Variants in SFRP4 observed in about 807,000 individuals in gnomAD.
The protein encoded by SFRP4 is secreted frizzled-related protein 4.
A neutral mutation model predicts 36.3 loss-of-function variants in SFRP4; 25 were observed. That is an observed-to-expected ratio of 0.69 (90% CI 0.50 to 0.96). The LOEUF (loss-of-function observed/expected upper bound fraction) is 0.96, where lower values mean the gene tolerates loss of function less well. Ranked by LOEUF, SFRP4 falls within the 40% of genes least tolerant of loss-of-function variation. The pLI is 0.00. For missense variants in SFRP4, 487 were observed against 459.6 expected (o/e 1.06, Z -0.54); for synonymous variants, 182 against 168.8 (o/e 1.08, Z -0.60).
chr7:37,915,663 GA>G (rs3837060), intron 1 of SFRP4, among the ~76,000 whole-genome samples: 31,480 of 150,508 alleles, frequency 0.21, 3,559 homozygotes, highest in South Asian at 0.4. Context: ...TGCTTTTTCA[GA>G]AAAAAAAAAA....
intron 5 of SFRP4, among the ~76,000 whole-genome samples, chr7:37,908,005 T>C (rs1785424532): frequency 6.6e-6 from 1 of 152,186 alleles, no homozygotes; most frequent in Non-Finnish European, 1.5e-5. Context: ...CTCCAGAGCC[T>C]GAGGCCCTCA....
rs762319538 is a variant in SFRP4 at position 37,912,201 on chromosome 7, G to T, written c.709C>A (p.Leu237Ile). Residue 237 changes from leucine to isoleucine, a missense_variant, in exon 4 of 6, where the codon CTC becomes ATC. By Grantham distance (5) the Leu-to-Ile change is conservative (BLOSUM62 2). Transcript: ENST00000436072. ...SSPIPRTQVP[L>I]ITNSSCQCPH... ...CACTGGCAAGAAGAATTTGTAATGA[G>T]CGGGACTTGAGTTCGAGGGATGGGT... The T allele has an allele frequency of 6.2e-7, 1 of 1,614,142 alleles. No individual in the cohort carries two copies. The highest frequency in any genetic ancestry group is 2.2e-5 in the East Asian group (1 of 44,890).
rs774199837 is a variant in SFRP4 at position 37,916,545 on chromosome 7, C to T, written c.-8G>A. ...TAGGATGGAGAGGAACATGGCACTG[C>T]CCTCTCGCGCTGCGACCCCGGCAGA... On this transcript the variant is annotated 5_prime_UTR_variant, in exon 1 of 6. Coordinates refer to ENST00000436072, the MANE Select transcript of SFRP4 (RefSeq NM_003014.4). The surrounding 1 kb of genome is among the most constrained non-coding windows in gnomAD (Gnocchi z 4.1). 7 of 1,597,732 alleles carry T rather than the reference C, an allele frequency of 4.4e-6. No homozygotes were observed. Among genetic ancestry groups the T allele is most frequent in the East Asian group, 2.2e-5 (1 of 44,618 alleles).
chr7:37,909,577 C>A, intron 5 of SFRP4, 40 bp downstream of exon 5: 1 of 1,154,280 alleles, frequency 8.7e-7, no homozygotes, highest in Non-Finnish European at 1.2e-6. Flanking sequence ...CTGTTATGTG[C>A]ACTTACATCC....
intron 5 of SFRP4, among the ~76,000 whole-genome samples, chr7:37,908,203 T>G (rs1287388962): frequency 5.9e-5 from 9 of 152,228 alleles, no homozygotes; most frequent in Non-Finnish European, 8.8e-5. Context: ...AGTCATCCGC[T>G]AACGTGCTAG....
At chr7:37,914,496 G>C in intron 1 of SFRP4, 43 bp from the exon 2 acceptor site, 1 of 1,404,106 alleles carries the variant, frequency 7.1e-7, no homozygotes. Context: ...TGGTGATTTG[G>C]TCTGTTCACC....
intron 1 of SFRP4, 149 bp downstream of exon 1, chr7:37,915,944 T>C: frequency 7.9e-7 from 1 of 1,266,520 alleles, no homozygotes. Context: ...AACCAGACTT[T>C]TTCTGAAGAA....
In SFRP4 at chr7:37,916,766, C is replaced by A; in HGVS notation, c.-229G>T. The A allele has an allele frequency of 3.1e-6, 2 of 639,708 alleles. No homozygotes were observed. Among genetic ancestry groups the A allele is most frequent in the African/African-American group, 3.7e-5 (2 of 54,628 alleles). 39.6% of individuals were successfully genotyped at this position (639,708 alleles called of 1,614,324 possible). ...GCGCCAGCTCTCAGCCTTCGGGGCG[C>A]GAACCCGCCCGGGCAGCTCCAGTCC... On this transcript the variant is annotated 5_prime_UTR_variant, in exon 1 of 6. Transcript: ENST00000436072. The surrounding 1 kb of genome is among the most constrained non-coding windows in gnomAD (Gnocchi z 4.1).
intron 1 of SFRP4, among the ~76,000 whole-genome samples, chr7:37,915,501 A>G (rs1313308630): frequency 2.6e-5 from 4 of 152,254 alleles, no homozygotes; most frequent in African/African-American, 9.6e-5. Flanking sequence ...TCAAATGACC[A>G]AAGAAAAAAG....
Position 37,916,431 on chromosome 7 carries a change from G to C in SFRP4, c.107C>G (p.Pro36Arg), listed in dbSNP as rs1785578355. 3 of 1,614,022 alleles carry C rather than the reference G, an allele frequency of 1.9e-6. No homozygotes were observed. The highest frequency in any genetic ancestry group is 2.5e-6 in the Non-Finnish European group (3 of 1,179,950). The change falls in exon 1 of 6, where the codon CCC (proline) becomes CGC (arginine). Residue 36 changes from proline to arginine, a missense_variant. Physicochemically the swap from Pro to Arg is moderately radical, Grantham distance 103 (BLOSUM62 -2). Transcript: ENST00000436072. The surrounding 1 kb of genome is among the most constrained non-coding windows in gnomAD (Gnocchi z 4.1). ...GTTGGGCATCCGCGTGATGTTCCAGGGCATGTGCCGGCACATAGGGATGCG... is the reference window on the plus strand; with the variant it reads ...GTTGGGCATCCGCGTGATGTTCCAGCGCATGTGCCGGCACATAGGGATGCG... ...AVRIPMCRHM[P>R]WNITRMPNHL...
chr7:37,912,500 A>G (rs1785510406), intron 3 of SFRP4, among the ~76,000 whole-genome samples, 183 bp from the exon 4 acceptor site: 1 of 152,164 alleles, frequency 6.6e-6, no homozygotes, highest in East Asian at 1.9e-4. Context: ...GGTGTCCTAT[A>G]TTGTCAACAT....
At chr7:37,912,478 T>A (rs1453410533) in intron 3 of SFRP4, among the ~76,000 whole-genome samples, 161 bp from the exon 4 acceptor site, 2 of 152,336 alleles carry the variant, frequency 1.3e-5, no homozygotes, top group Non-Finnish European at 1.5e-5. Flanking sequence ...CACAGTCATA[T>A]GCTAAATGGA....
intron 3 of SFRP4, among the ~76,000 whole-genome samples, 185 bp downstream of exon 3, chr7:37,914,028 A>G (rs1785535366): frequency 6.6e-6 from 1 of 152,252 alleles, no homozygotes; most frequent in African/African-American, 2.4e-5. Flanking sequence ...TCATCCAGAA[A>G]AGCAAGATAT....
In SFRP4 at chr7:37,914,202, A is replaced by C. The variant is rs768193811; in HGVS notation, c.592+11T>G. 1 of 1,610,486 alleles carries C rather than the reference A, an allele frequency of 6.2e-7. No homozygotes were observed. Among genetic ancestry groups the C allele is most frequent in the Non-Finnish European group, 8.5e-7 (1 of 1,176,656 alleles). On this transcript the variant is annotated intron_variant, in intron 3 of 5. Transcript: ENST00000436072. ...AGTCTCAAAAGTAAATGGCTTTAAC[A>C]GACGACTTACCATAGCTGTAGTTTT...
At position 37,916,381 on chromosome 7, in the gene SFRP4, T is replaced by A. The variant is rs1785577288; in HGVS notation, c.157A>T (p.Asn53Tyr). 2.5e-6 allele frequency: 4 copies of A among 1,614,002 alleles called. No individual in the cohort carries two copies. In the Admixed American group the frequency reaches 6.7e-5, roughly 27 times the overall value. ...PNHLHHSTQENAILAIEQYEE... is the reference protein window; with the variant it reads ...PNHLHHSTQEYAILAIEQYEE... ...TACTGCTCGATGGCCAGGATGGCGT[T>A]CTCCTGCGTGCTGTGGTGCAGGTGG... Residue 53 changes from asparagine (N) to tyrosine (Y), a missense_variant, in exon 1 of 6, where the codon AAC (asparagine) becomes TAC (tyrosine). Coordinates refer to ENST00000436072, the MANE Select transcript of SFRP4 (RefSeq NM_003014.4). This position sits in a 1 kb window ranked among gnomAD's most constrained non-coding sequence, Gnocchi z 4.1.
chr7:37,909,590 C>T (rs754944705), intron 5 of SFRP4, 27 bp downstream of exon 5: 3 of 1,378,588 alleles, frequency 2.2e-6, no homozygotes, highest in Admixed American at 2.2e-5. Context: ...TTACATCCAT[C>T]TTCACAGCAT....
At position 37,916,228 on chromosome 7, in the gene SFRP4, C is replaced by T. The variant is rs201127378; in HGVS notation, c.310G>A (p.Ala104Thr). The T allele has an allele frequency of 2.6e-5, 42 of 1,614,076 alleles. 1 individual carries two copies. Among genetic ancestry groups the T allele is most frequent in the Non-Finnish European group, 4.2e-6 (5 of 1,180,034 alleles). Residue 104 changes from alanine to threonine, a missense_variant, in exon 1 of 6, where the codon GCG becomes ACG. Ala to Thr is a moderately conservative substitution (Grantham distance 58). Coordinates refer to ENST00000436072, the MANE Select transcript of SFRP4 (RefSeq NM_003014.4). The surrounding 1 kb of genome is among the most constrained non-coding windows in gnomAD (Gnocchi z 4.1). ...IKPCKSVCQR[A>T]RDDCEPLMKM... Reference sequence around the variant, plus strand: ...ATGAGGGGCTCGCAGTCGTCGCGCGCGCGTTGGCACACCGACTTGCACGGC... The same window carrying T: ...ATGAGGGGCTCGCAGTCGTCGCGCGTGCGTTGGCACACCGACTTGCACGGC...
At chr7:37,907,900 C>T (rs1240293925) in intron 5 of SFRP4, among the ~76,000 whole-genome samples, 1 of 152,114 alleles carries the variant, frequency 6.6e-6, no homozygotes, top group Non-Finnish European at 1.5e-5. Context: ...CAAATAGGCA[C>T]CACTGACAGG....
At chr7:37,913,743 A>T (rs1356140995) in intron 3 of SFRP4, among the ~76,000 whole-genome samples, 1 of 152,226 alleles carries the variant, frequency 6.6e-6, no homozygotes, top group South Asian at 2.1e-4. Context: ...TAAGATGTTA[A>T]ATATTTGTAG....
Sources: allele counts gnomAD v4.1 joint callset (sites outside exome capture counted in the v4.1 genomes callset), GRCh38; gene constraint gnomAD v4.1.1; non-coding constraint Gnocchi (gnomAD v3.1); transcripts MANE v1.5; gene names NCBI Gene and HGNC (gene_info 2026-07-23, HGNC 2026-07-21).